HMCN1: variants seen among roughly 807,000 people sequenced by gnomAD.
HMCN1 encodes the protein hemicentin-1.
Under a neutral mutation model 625.9 loss-of-function variants are expected in HMCN1, and 321 were observed. The observed-to-expected ratio is 0.51, with a 90% CI of 0.47 to 0.56. HMCN1 has a LOEUF of 0.56. Among genes scored for constraint, HMCN1 ranks in the 20% least tolerant of loss-of-function variants. HMCN1 has a pLI of 0.00. For synonymous variants in HMCN1, 2,425 were observed against 2,417.6 expected (o/e 1.00, Z -0.09); for missense variants, 6,588 against 6,887.3 (o/e 0.96, Z 1.54).
chr1:186,117,713 G>A (rs544947519), intron 77 of HMCN1, 90 bp downstream of exon 77: 2 of 1,247,672 alleles, frequency 1.6e-6, no homozygotes, highest in Non-Finnish European at 1.2e-6. Context: ...CAGAATAAAA[G>A]AATAAAATAT....
intron 1 of HMCN1, among the ~76,000 whole-genome samples, chr1:185,819,176 G>T (rs921319250): frequency 9.3e-5 from 14 of 151,048 alleles, no homozygotes; most frequent in African/African-American, 3.4e-4. Context: ...GGCAGAGGTT[G>T]CAGTGAGCGG....
chr1:186,050,602 A>G (rs1006771809), intron 42 of HMCN1, among the ~76,000 whole-genome samples: 1 of 152,042 alleles, frequency 6.6e-6, no homozygotes, highest in East Asian at 1.9e-4. Flanking sequence ...GTAATATTAC[A>G]TATTGCAGAA....
At chr1:186,171,535 G>T (rs76087625) in intron 101 of HMCN1, 85 bp downstream of exon 101, 4 of 1,061,976 alleles carry the variant, frequency 3.8e-6, no homozygotes, top group Admixed American at 3.4e-5. Context: ...ACTGTGTCTT[G>T]GTACTGGTTC....
intron 78 of HMCN1, 74 bp downstream of exon 78, chr1:186,119,372 G>A (rs1661287222): frequency 1.9e-6 from 2 of 1,077,420 alleles, no homozygotes; most frequent in African/African-American, 1.5e-5. Flanking sequence ...ATTCTGAAAG[G>A]TGGTAGGTAC....
At position 186,081,502 on chromosome 1, in the gene HMCN1, T is replaced by C. The variant is rs527260412; in HGVS notation, c.8787+108T>C. On this transcript the variant is annotated intron_variant, in intron 56 of 106. Transcript: ENST00000271588. ...TTTTTATTAGCTTGTAAATATTATA[T>C]TTGTAAAAATAACCAACCATCAAAG... 83 of 778,346 alleles carry C rather than the reference T, an allele frequency of 1.1e-4. 1 individual carries two copies. In the South Asian group the frequency reaches 1.4e-3, roughly 13 times the overall value. 48.2% of individuals were successfully genotyped at this position (778,346 alleles called of 1,614,324 possible).
intron 63 of HMCN1, among the ~76,000 whole-genome samples, 188 bp downstream of exon 63, chr1:186,088,943 G>T (rs929362415): frequency 1.1e-4 from 17 of 151,800 alleles, no homozygotes; most frequent in African/African-American, 4.1e-4. Flanking sequence ...ACATAAATGT[G>T]GAAAAAAGAA....
intron 73 of HMCN1, among the ~76,000 whole-genome samples, 169 bp from the exon 74 acceptor site, chr1:186,114,650 C>T (rs1180242315): frequency 1.3e-5 from 2 of 152,182 alleles, no homozygotes; most frequent in Non-Finnish European, 2.9e-5. Flanking sequence ...CTGTTATGCA[C>T]CTTTGCATCG....
intron 69 of HMCN1, among the ~76,000 whole-genome samples, chr1:186,106,228 T>A (rs1365360705): frequency 6.6e-6 from 1 of 152,196 alleles, no homozygotes; most frequent in South Asian, 2.1e-4. Context: ...CCTCTACATG[T>A]ACACGATCAT....
intron 4 of HMCN1, among the ~76,000 whole-genome samples, chr1:185,893,067 G>A (rs897230594): frequency 6.6e-5 from 10 of 152,182 alleles, no homozygotes; most frequent in Admixed American, 2.0e-4. Flanking sequence ...CAAGTGACCC[G>A]ATTTTCCAGG....
chr1:185,978,494 C>A (rs1383872718), intron 16 of HMCN1, among the ~76,000 whole-genome samples: 1 of 152,040 alleles, frequency 6.6e-6, no homozygotes, highest in Non-Finnish European at 1.5e-5. Flanking sequence ...ATAAGCTATT[C>A]AGTATTCAGA....
chr1:186,188,458 C>T (rs1235610539), intron 106 of HMCN1, among the ~76,000 whole-genome samples: 2 of 152,184 alleles, frequency 1.3e-5, no homozygotes, highest in African/African-American at 4.8e-5. Context: ...AGGAATGAGT[C>T]AGTTGTCTGC....
At chr1:186,184,327 G>GCTTTTTATTTGCATATGATTT (rs1248443868) in intron 105 of HMCN1, among the ~76,000 whole-genome samples, 4 of 152,326 alleles carry the variant, frequency 2.6e-5, no homozygotes, top group Admixed American at 2.6e-4. Context: ...ACCAAAGACT[G>GCTTTTTATTTGCATATGATTT]CTTTTTATTT....
intron 1 of HMCN1, among the ~76,000 whole-genome samples, chr1:185,792,175 T>A (rs1658052120): frequency 6.6e-6 from 1 of 152,228 alleles, no homozygotes; most frequent in Admixed American, 6.5e-5. Flanking sequence ...ATAAGATTGG[T>A]TATCTTACCT....
At chr1:186,151,778 TAA>T in intron 95 of HMCN1, 35 bp downstream of exon 95, 2 of 1,603,326 alleles carry the variant, frequency 1.2e-6, no homozygotes. Context: ...TCTATTACTA[TAA>T]AAAGTGCCAT....
chr1:185,994,502 G>T (rs12067195), intron 23 of HMCN1, among the ~76,000 whole-genome samples: 2,010 of 152,190 alleles, frequency 0.013, 53 homozygotes, highest in African/African-American at 0.045. Flanking sequence ...CAAATTAAAA[G>T]AAGCCTAATA....
chr1:186,058,073 T>G (rs978079810), intron 46 of HMCN1, among the ~76,000 whole-genome samples: 2 of 151,998 alleles, frequency 1.3e-5, no homozygotes, highest in Admixed American at 1.3e-4. Context: ...AATGTGTGAT[T>G]GAAGGCATCA....
At chr1:185,901,769 C>T (rs1276542161) in intron 4 of HMCN1, among the ~76,000 whole-genome samples, 1 of 151,688 alleles carries the variant, frequency 6.6e-6, no homozygotes, top group Non-Finnish European at 1.5e-5. Context: ...ATAAGTTCTC[C>T]CCAAAATAGA....
chr1:186,144,414 A>G, intron 90 of HMCN1, 71 bp downstream of exon 90: 1 of 1,600,122 alleles, frequency 6.2e-7, no homozygotes, highest in Non-Finnish European at 8.6e-7. Context: ...GTATGTCAAC[A>G]AGAATCTATC....
intron 68 of HMCN1, among the ~76,000 whole-genome samples, chr1:186,098,447 A>T (rs983621285): frequency 1.3e-5 from 2 of 152,198 alleles, no homozygotes; most frequent in South Asian, 2.1e-4. Flanking sequence ...AAGCCTCAAC[A>T]TTACTAATCA....
Sources: allele counts gnomAD v4.1 joint callset (sites outside exome capture counted in the v4.1 genomes callset), GRCh38; gene constraint gnomAD v4.1.1; transcripts MANE v1.5; gene names NCBI Gene and HGNC (gene_info 2026-07-23, HGNC 2026-07-21).